ELP4: variants seen among roughly 807,000 people sequenced by gnomAD.
The protein encoded by ELP4 is elongator complex protein 4.
Under a neutral mutation model 48.9 loss-of-function variants are expected in ELP4, and 51 were observed. That is an observed-to-expected ratio of 1.04 (90% CI 0.83 to 1.32). ELP4 has a LOEUF of 1.32. Among genes scored for constraint, ELP4 ranks in the 40% most tolerant of loss-of-function variants. The pLI, the probability that ELP4 is intolerant of heterozygous loss-of-function variation, is 0.00. For missense variants in ELP4, 519 were observed against 514.6 expected, an observed-to-expected ratio of 1.01 and a Z score of -0.08; for synonymous variants, 210 against 189.2, an observed-to-expected ratio of 1.11 and a Z score of -0.90.
intron 9 of ELP4, among the ~76,000 whole-genome samples, chr11:31,660,880 A>C (rs1173594675): frequency 6.6e-6 from 1 of 152,058 alleles, no homozygotes; most frequent in Admixed American, 6.6e-5. Context: ...TAAGTCTTAG[A>C]AAAAATGGTG....
At chr11:31,615,150 GA>G (rs577403776) in intron 5 of ELP4, among the ~76,000 whole-genome samples, 292 of 151,628 alleles carry the variant, frequency 1.9e-3, no homozygotes, top group African/African-American at 6.7e-3. Flanking sequence ...AGTGGAATGG[GA>G]AAAAAAAGAT....
intron 9 of ELP4, among the ~76,000 whole-genome samples, chr11:31,708,350 A>G (rs1423800555): frequency 6.6e-6 from 1 of 152,158 alleles, no homozygotes; most frequent in African/African-American, 2.4e-5. Context: ...TCAGGTTTAT[A>G]TTTCACAATT....
At chr11:31,766,275 A>G (rs1316010943) in intron 9 of ELP4, among the ~76,000 whole-genome samples, 1 of 152,134 alleles carries the variant, frequency 6.6e-6, no homozygotes, top group African/African-American at 2.4e-5. Flanking sequence ...GGCAATAAGT[A>G]TATTTTTCTG....
intron 9 of ELP4, among the ~76,000 whole-genome samples, chr11:31,778,582 G>A (rs187160111): frequency 6.8e-4 from 103 of 152,314 alleles, no homozygotes; most frequent in East Asian, 2.5e-3. Context: ...GAACTTGATA[G>A]TTCACAAAAC....
chr11:31,594,811 AT>A lies in ELP4; in HGVS notation c.426del (p.Phe142LeufsTer17). 6.5e-7 allele frequency: 1 copy of A among 1,535,860 alleles called. No homozygotes were observed. Among genetic ancestry groups the A allele is most frequent in the Non-Finnish European group, 8.7e-7 (1 of 1,148,906 alleles). On this transcript the variant is annotated frameshift_variant, in exon 4 of 10. Transcript: ENST00000640961. LOFTEE classifies it high-confidence loss of function. ...TACTTGATGATAAATGTAAAAAGGAATTTGATGAAGATGTATACAATCATAA... is the reference window on the plus strand; with the variant it reads ...TACTTGATGATAAATGTAAAAAGGAATTGATGAAGATGTATACAATCATAA... ...PLLDDKCKKE[F>X]DEDVYNHKTP...
chr11:31,733,531 C>T (rs1365537790), intron 9 of ELP4, among the ~76,000 whole-genome samples: 1 of 146,064 alleles, frequency 6.8e-6, no homozygotes, highest in East Asian at 2.0e-4. Flanking sequence ...GACATTACAA[C>T]TGACTCTACA....
intron 9 of ELP4, among the ~76,000 whole-genome samples, chr11:31,693,709 T>C (rs1213514486): frequency 2.6e-5 from 4 of 152,234 alleles, no homozygotes; most frequent in Non-Finnish European, 5.9e-5. Context: ...ATAGTATTTC[T>C]AGTTCTAGAT....
At chr11:31,708,532 A>G (rs1027979379) in intron 9 of ELP4, among the ~76,000 whole-genome samples, 1 of 152,088 alleles carries the variant, frequency 6.6e-6, no homozygotes, top group Non-Finnish European at 1.5e-5. Flanking sequence ...TAAATAATAT[A>G]CTTCTGGCCA....
At chr11:31,708,954 T>C (rs1946686978) in intron 9 of ELP4, among the ~76,000 whole-genome samples, 1 of 152,158 alleles carries the variant, frequency 6.6e-6, no homozygotes, top group East Asian at 1.9e-4. Flanking sequence ...ATATGTAAGA[T>C]TAAAATTTAG....
At chr11:31,570,075 G>C (rs558227250) in intron 3 of ELP4, among the ~76,000 whole-genome samples, 1 of 152,142 alleles carries the variant, frequency 6.6e-6, no homozygotes. Flanking sequence ...ATACATTGTA[G>C]CACTATTCTC....
At position 31,655,229 on chromosome 11, in the gene ELP4, GA is replaced by G. The variant is rs1201235889; in HGVS notation, c.1143+5010del. Among the ~76,000 whole-genome samples the G allele has an allele frequency of 1.3e-4, 20 of 152,064 alleles. No homozygotes were observed. In the East Asian group the frequency reaches 3.9e-3, roughly 30 times the overall value. Reference sequence around the variant, plus strand: ...TTACATAGGTTTCAAAGAATCATCAGAAGTTGGTTTAATACTTACTACACTT... The same window carrying G: ...TTACATAGGTTTCAAAGAATCATCAGAGTTGGTTTAATACTTACTACACTT... On this transcript the variant is annotated intron_variant, in intron 9 of 9. Coordinates refer to ENST00000640961, the MANE Select transcript of ELP4 (RefSeq NM_019040.5).
At chr11:31,534,781 G>T (rs1307995783) in intron 2 of ELP4, among the ~76,000 whole-genome samples, 1 of 152,022 alleles carries the variant, frequency 6.6e-6, no homozygotes, top group Non-Finnish European at 1.5e-5. Flanking sequence ...TTCTTATATC[G>T]ATTTATAATG....
At chr11:31,574,374 C>A (rs1004671832) in intron 3 of ELP4, among the ~76,000 whole-genome samples, 1 of 152,106 alleles carries the variant, frequency 6.6e-6, no homozygotes, top group African/African-American at 2.4e-5. Flanking sequence ...CATAATGGAA[C>A]AAAAGGCAGC....
At chr11:31,673,300 G>A (rs935504303) in intron 9 of ELP4, among the ~76,000 whole-genome samples, 2 of 152,006 alleles carry the variant, frequency 1.3e-5, no homozygotes, top group African/African-American at 4.8e-5. Flanking sequence ...ACAGGCATGA[G>A]CCATTAGTGG....
intron 9 of ELP4, among the ~76,000 whole-genome samples, chr11:31,744,440 A>G (rs1947530990): frequency 2.6e-5 from 4 of 152,236 alleles, no homozygotes. Flanking sequence ...ACACAACAAA[A>G]AAAGAATTTT....
At chr11:31,753,434 T>A (rs1019626037) in intron 9 of ELP4, among the ~76,000 whole-genome samples, 5 of 152,164 alleles carry the variant, frequency 3.3e-5, no homozygotes, top group African/African-American at 1.2e-4. Context: ...AAATAACAAC[T>A]ATCATGTCAT....
chr11:31,688,546 T>C (rs1045765838), intron 9 of ELP4, among the ~76,000 whole-genome samples: 1 of 152,200 alleles, frequency 6.6e-6, no homozygotes, highest in African/African-American at 2.4e-5. Context: ...AATACAGTAC[T>C]GTGTCATGTT....
intron 1 of ELP4, chr11:31,511,877 T>C (rs1956016100): frequency 6.6e-6 from 1 of 152,190 alleles, no homozygotes; most frequent in African/African-American, 2.4e-5. Context: ...GGTATTTAAG[T>C]GTAACAAGCT....
At chr11:31,639,817 T>A (rs1448584715) in intron 7 of ELP4, among the ~76,000 whole-genome samples, 4 of 151,896 alleles carry the variant, frequency 2.6e-5, no homozygotes, top group Non-Finnish European at 2.9e-5. Context: ...ATAAAAAAAA[T>A]TTGGTTTAAA....
Sources: allele counts gnomAD v4.1 joint callset (sites outside exome capture counted in the v4.1 genomes callset), GRCh38; gene constraint gnomAD v4.1.1; transcripts MANE v1.5; gene names NCBI Gene and HGNC (gene_info 2026-07-23, HGNC 2026-07-21).